The following BORCS5 variants were observed in gnomAD, a reference collection of about 807,000 sequenced individuals.
BORCS5 encodes the protein BLOC-1 related complex subunit 5.
In BORCS5, 17 loss-of-function variants were observed where a neutral mutation model predicts 22.1. That is an observed-to-expected ratio of 0.77 (90% CI 0.53 to 1.15). BORCS5 has a LOEUF of 1.15. Among genes scored for constraint, BORCS5 ranks in the 50% most tolerant of loss-of-function variants. The pLI, the probability that BORCS5 is intolerant of heterozygous loss-of-function variation, is 0.00. For synonymous variants in BORCS5, 117 were observed against 99.8 expected (o/e 1.17, Z -1.03); for missense variants, 247 against 253.2 (o/e 0.98, Z 0.17).
intron 2 of BORCS5, among the ~76,000 whole-genome samples, chr12:12,413,108 C>CTT (rs140916578): frequency 3.4e-4 from 7 of 20,718 alleles, no homozygotes; most frequent in African/African-American, 9.9e-4. Context: ...GGTGATGACT[C>CTT]TTTTTTTTTT....
At chr12:12,376,769 GTAAT>G (rs999324135) in intron 2 of BORCS5, among the ~76,000 whole-genome samples, 1 of 152,132 alleles carries the variant, frequency 6.6e-6, no homozygotes, top group Non-Finnish European at 1.5e-5. Context: ...CTTTAGTGTA[GTAAT>G]TAAATTTATA....
At chr12:12,377,729 G>A (rs956077717) in intron 2 of BORCS5, among the ~76,000 whole-genome samples, 2 of 152,146 alleles carry the variant, frequency 1.3e-5, no homozygotes, top group African/African-American at 4.8e-5. Flanking sequence ...TATTTCAGGG[G>A]ATCAGTAGCT....
At chr12:12,408,739 G>C (rs185247989) in intron 2 of BORCS5, among the ~76,000 whole-genome samples, 84 of 152,190 alleles carry the variant, frequency 5.5e-4, no homozygotes, top group Non-Finnish European at 1.0e-3. Context: ...TTCTTTTAAA[G>C]GCTGAATACC....
intron 3 of BORCS5, among the ~76,000 whole-genome samples, chr12:12,436,169 T>G (rs1478090324): frequency 6.6e-6 from 1 of 152,248 alleles, no homozygotes; most frequent in Non-Finnish European, 1.5e-5. Flanking sequence ...TGACTTTAAT[T>G]GTTTCCTGTG....
rs144272563 is a variant in BORCS5, at chr12:12,389,470, T to C, written c.202+28121T>C. On this transcript the variant is annotated intron_variant, in intron 2 of 3. Coordinates refer to ENST00000314565, the MANE Select transcript of BORCS5 (RefSeq NM_058169.6). ...TATATTTTTAATGCACATTTACAATTCTAATTAGTTTTATATACCTCTGCC... is the reference window on the plus strand; with the variant it reads ...TATATTTTTAATGCACATTTACAATCCTAATTAGTTTTATATACCTCTGCC... Among the ~76,000 whole-genome samples, 4 of 144,512 alleles carry C rather than the reference T, an allele frequency of 2.8e-5. No homozygotes were observed. The East Asian group carries it at 5.9e-4, about 21-fold the overall frequency. 94.8% of individuals were successfully genotyped at this position (144,512 alleles called of 152,430 possible).
At chr12:12,407,748 C>T (rs1292939527) in intron 2 of BORCS5, among the ~76,000 whole-genome samples, 1 of 151,120 alleles carries the variant, frequency 6.6e-6, no homozygotes, top group Admixed American at 6.6e-5. Flanking sequence ...CGCTGTCACC[C>T]AGGCTAGAGT....
chr12:12,445,383 G>A (rs1354952181), intron 3 of BORCS5, among the ~76,000 whole-genome samples: 2 of 151,756 alleles, frequency 1.3e-5, no homozygotes, highest in Non-Finnish European at 2.9e-5. Context: ...AAGGTAACAT[G>A]ACAGTGACTT....
Position 12,391,118 on chromosome 12 carries a change from T to C in BORCS5, c.202+29769T>C, listed in dbSNP as rs377021536. Among the ~76,000 whole-genome samples the C allele has an allele frequency of 2.6e-5, 4 of 152,008 alleles. No individual in the cohort carries two copies. The East Asian group carries it at 5.8e-4, about 22-fold the overall frequency. On this transcript the variant is annotated intron_variant, in intron 2 of 3. Transcript: ENST00000314565. ...TATTGTGCATCCAGTCAGTCTTGTTTTGTCACACTAAAAATTTCAAGATAA... is the reference window on the plus strand; with the variant it reads ...TATTGTGCATCCAGTCAGTCTTGTTCTGTCACACTAAAAATTTCAAGATAA...
intron 3 of BORCS5, among the ~76,000 whole-genome samples, chr12:12,461,181 C>T (rs1382243857): frequency 1.4e-5 from 2 of 146,654 alleles, no homozygotes; most frequent in Non-Finnish European, 3.0e-5. Flanking sequence ...TTTTTTTTTC[C>T]CCCTGGGATA....
chr12:12,404,714 C>T (rs970773496), intron 2 of BORCS5, among the ~76,000 whole-genome samples: 7 of 152,036 alleles, frequency 4.6e-5, no homozygotes, highest in African/African-American at 1.7e-4. Flanking sequence ...TTTTTGTTTT[C>T]TTTTTTGTGA....
intron 2 of BORCS5, among the ~76,000 whole-genome samples, chr12:12,366,750 A>G (rs1328820713): frequency 6.6e-6 from 1 of 152,230 alleles, no homozygotes; most frequent in Non-Finnish European, 1.5e-5. Flanking sequence ...AAATATTTGC[A>G]AGAGAAAAGT....
At chr12:12,405,390 T>TTA (rs760235390) in intron 2 of BORCS5, among the ~76,000 whole-genome samples, 5 of 152,230 alleles carry the variant, frequency 3.3e-5, no homozygotes, top group Admixed American at 6.5e-5. Flanking sequence ...GCTACTGTAT[T>TTA]ATCTCCCTCA....
intron 3 of BORCS5, among the ~76,000 whole-genome samples, chr12:12,449,998 T>G (rs1942878625): frequency 6.6e-6 from 1 of 152,244 alleles, no homozygotes; most frequent in African/African-American, 2.4e-5. Context: ...AATGATAGAT[T>G]TTTATTTCCC....
intron 3 of BORCS5, among the ~76,000 whole-genome samples, chr12:12,437,595 G>C (rs1362621265): frequency 6.6e-6 from 1 of 152,126 alleles, no homozygotes; most frequent in Non-Finnish European, 1.5e-5. Context: ...AAGTCACAAA[G>C]CGTATTATCT....
intron 2 of BORCS5, among the ~76,000 whole-genome samples, chr12:12,422,287 ATTTTT>A (rs71061064): frequency 6.8e-6 from 1 of 147,858 alleles, no homozygotes; most frequent in South Asian, 2.1e-4. Flanking sequence ...CTTTTCTTTT[ATTTTT>A]TTTTTTAAGT....
At chr12:12,400,115 ATG>A (rs977614706) in intron 2 of BORCS5, among the ~76,000 whole-genome samples, 1 of 152,330 alleles carries the variant, frequency 6.6e-6, no homozygotes, top group African/African-American at 2.4e-5. Context: ...AAGTTGAAGA[ATG>A]TTTTCCGTAA....
At chr12:12,386,298 GCCC>G (rs1210276206) in intron 2 of BORCS5, among the ~76,000 whole-genome samples, 1 of 149,946 alleles carries the variant, frequency 6.7e-6, no homozygotes, top group East Asian at 1.9e-4. Flanking sequence ...ACTGTGCCTG[GCCC>G]CCCATTTGCT....
At chr12:12,452,444 G>A in intron 3 of BORCS5, 1 of 522,490 alleles carries the variant, frequency 1.9e-6, no homozygotes, top group Non-Finnish European at 3.9e-6. Flanking sequence ...GGAGAGCCGC[G>A]GTTTCCCATG....
chr12:12,430,251 C>CGCCATTCTCCTGCCTCA (rs1942389291), intron 2 of BORCS5, among the ~76,000 whole-genome samples: 1 of 149,920 alleles, frequency 6.7e-6, no homozygotes, highest in Non-Finnish European at 1.5e-5. Flanking sequence ...CCTGGGTTCA[C>CGCCATTCTCCTGCCTCA]GCCATTCTCC....
Sources: allele counts gnomAD v4.1 joint callset (sites outside exome capture counted in the v4.1 genomes callset), GRCh38; gene constraint gnomAD v4.1.1; transcripts MANE v1.5; gene names NCBI Gene and HGNC (gene_info 2026-07-23, HGNC 2026-07-21).